Variants in CCDC144A observed in about 807,000 individuals in gnomAD.
CCDC144A encodes the protein coiled-coil domain containing 144A, also known as coiled-coil domain-containing protein 144A.
Under a neutral mutation model 143.8 loss-of-function variants are expected in CCDC144A, and 41 were observed. The observed-to-expected ratio is 0.29, with a 90% CI of 0.22 to 0.37. CCDC144A has a LOEUF of 0.37. CCDC144A is among the 10% of genes least tolerant of loss of function. The probability of loss-of-function intolerance (pLI) is 1.00; values close to 1 mark genes in which losing one functional copy is unlikely to be tolerated. For missense variants in CCDC144A, 637 were observed against 1,488.8 expected (o/e 0.43, Z 9.41); for synonymous variants, 242 against 517.9 (o/e 0.47, Z 7.23).
chr17:16,721,157 CTG>C (rs1913070334), intron 8 of CCDC144A, among the ~76,000 whole-genome samples: 2 of 152,074 alleles, frequency 1.3e-5, no homozygotes, highest in South Asian at 4.2e-4. Flanking sequence ...GTGTCCCACT[CTG>C]TGTCTTATAT....
chr17:16,705,670 C>A (rs1367077910), intron 3 of CCDC144A: 1 of 402,922 alleles, frequency 2.5e-6, no homozygotes, highest in East Asian at 5.4e-5. Context: ...TAGGGACTAA[C>A]ATAGGATTAT....
chr17:16,733,767 A>G (rs1913863606), intron 11 of CCDC144A, among the ~76,000 whole-genome samples: 1 of 152,028 alleles, frequency 6.6e-6, no homozygotes, highest in Non-Finnish European at 1.5e-5. Context: ...GACCTAGGGA[A>G]AATCCTGCAA....
intron 12 of CCDC144A, among the ~76,000 whole-genome samples, chr17:16,747,392 G>A (rs1257601849): frequency 2.0e-5 from 3 of 152,222 alleles, no homozygotes; most frequent in African/African-American, 7.2e-5. Flanking sequence ...GGCTCTGGGT[G>A]TTTGGGCTCT....
intron 5 of CCDC144A, among the ~76,000 whole-genome samples, chr17:16,709,870 G>C (rs1404936655): frequency 6.6e-6 from 1 of 152,198 alleles, no homozygotes; most frequent in African/African-American, 2.4e-5. Context: ...TATGGATTGT[G>C]AAACTCATTT....
chr17:16,722,051 T>C (rs1208445217), intron 8 of CCDC144A, among the ~76,000 whole-genome samples: 2 of 152,218 alleles, frequency 1.3e-5, no homozygotes, highest in Non-Finnish European at 2.9e-5. Flanking sequence ...TTTTTCATCA[T>C]GACACATGTT....
At chr17:16,677,358 C>T in the CCDC144A span, among the ~76,000 whole-genome samples, 3 of 152,134 alleles carry the variant, frequency 2.0e-5, no homozygotes, top group Admixed American at 1.3e-4. Context: ...TTTCCCTAAA[C>T]CCAGAGGGGA....
At chr17:16,757,066 T>G (rs1398512758) in intron 12 of CCDC144A, among the ~76,000 whole-genome samples, 1 of 152,278 alleles carries the variant, frequency 6.6e-6, no homozygotes, top group African/African-American at 2.4e-5. Context: ...TCCCAGTTTT[T>G]GGTGGCAGTG....
At chr17:16,769,802 G>A (rs141002306) in intron 15 of CCDC144A, among the ~76,000 whole-genome samples, 1 of 142,976 alleles carries the variant, frequency 7.0e-6, no homozygotes, top group South Asian at 2.6e-4. Context: ...CATCATGACA[G>A]TTTATAGATG....
chr17:16,690,513 TGGGCTACCCGGGGGACCAGTGGTCCTC>T lies in CCDC144A; in HGVS notation c.119_145del (p.Tyr40_Gly48del), dbSNP rs777460449. The stretch of plus-strand genomic sequence containing the variant: ...GGGAGCCAGGGGGACCAGTGGTACT[TGGGCTACCCGGGGGACCAGTGGTCCTC>T]GGGCTTCCCCTACAGCTGGTGGAAA... On this transcript the variant is annotated inframe_deletion, in exon 1 of 17. Coordinates refer to ENST00000399273, the MANE Select transcript of CCDC144A (RefSeq NM_001382000.1). The T allele has an allele frequency of 5.5e-5, 88 of 1,611,252 alleles. No individual in the cohort carries two copies. In the African/African-American group the frequency reaches 1.0e-3, roughly 19 times the overall value.
intron 12 of CCDC144A, among the ~76,000 whole-genome samples, chr17:16,751,810 TG>T (rs1914806592): frequency 6.6e-6 from 1 of 152,252 alleles, no homozygotes; most frequent in Non-Finnish European, 1.5e-5. Flanking sequence ...GCACCTGGTG[TG>T]GTGCCTGCAG....
Position 16,776,682 on chromosome 17 carries a change from T to C in CCDC144A, c.*3049T>C, listed in dbSNP as rs1364862863. 6 of 151,728 alleles carry C rather than the reference T, an allele frequency of 4.0e-5. No homozygotes were observed. The highest frequency in any genetic ancestry group is 3.9e-4 in the Admixed American group (6 of 15,228). 9.4% of individuals were successfully genotyped at this position (151,728 alleles called of 1,614,324 possible). Reference sequence around the variant, plus strand: ...TTGACTTCCTGTCTTCCTATTTGAATAGCTTTTCTTTCTTTCTCTTGCCTG... The same window carrying C: ...TTGACTTCCTGTCTTCCTATTTGAACAGCTTTTCTTTCTTTCTCTTGCCTG... On this transcript the variant is annotated 3_prime_UTR_variant, in exon 17 of 17. Transcript: ENST00000399273.
At chr17:16,701,040 T>A (rs1403181230) in intron 2 of CCDC144A, among the ~76,000 whole-genome samples, 1 of 152,224 alleles carries the variant, frequency 6.6e-6, no homozygotes, top group African/African-American at 2.4e-5. Context: ...AATTAATTGC[T>A]TTATGTGTTT....
At chr17:16,677,046 G>T in the CCDC144A span, among the ~76,000 whole-genome samples, 30 of 152,054 alleles carry the variant, frequency 2.0e-4, 1 homozygote, top group Admixed American at 2.0e-3. Context: ...AGGTGATTCT[G>T]ACGTCACATG....
At chr17:16,721,322 GTCTT>G (rs1597556637) in intron 8 of CCDC144A, among the ~76,000 whole-genome samples, 3 of 151,686 alleles carry the variant, frequency 2.0e-5, no homozygotes, top group East Asian at 3.9e-4. Flanking sequence ...TTGTCCCTTT[GTCTT>G]TCTTTATTAA....
intron 9 of CCDC144A, 113 bp downstream of exon 9, chr17:16,727,853 G>A: frequency 5.3e-6 from 5 of 939,474 alleles, no homozygotes; most frequent in Non-Finnish European, 7.5e-6. Context: ...TTTTGGTCTT[G>A]TGGAATATGA....
chr17:16,715,807 C>A (rs1912715801), intron 6 of CCDC144A, among the ~76,000 whole-genome samples: 1 of 152,192 alleles, frequency 6.6e-6, no homozygotes, highest in South Asian at 2.1e-4. Context: ...TTAACATCAT[C>A]TTGAGAAACA....
chr17:16,747,147 C>T, intron 12 of CCDC144A, among the ~76,000 whole-genome samples: 1 of 151,960 alleles, frequency 6.6e-6, no homozygotes, highest in East Asian at 1.9e-4. Context: ...ATCCCAGCAC[C>T]ATTTATTGAA....
chr17:16,672,298 G>A, the CCDC144A span, among the ~76,000 whole-genome samples: 10 of 151,780 alleles, frequency 6.6e-5, no homozygotes, highest in African/African-American at 2.2e-4. Context: ...GGGACATGTC[G>A]GCCGGGCACA....
chr17:16,683,169 A>C, the CCDC144A span, among the ~76,000 whole-genome samples: 1 of 151,910 alleles, frequency 6.6e-6, no homozygotes, highest in Non-Finnish European at 1.5e-5. Context: ...ACTGCAGTTA[A>C]TGTATTGTAT....
Sources: gnomAD v4.1 joint callset for allele counts (sites outside exome capture counted in the v4.1 genomes callset) on GRCh38, gnomAD v4.1.1 for gene constraint, MANE v1.5 for transcripts, NCBI Gene and HGNC (gene_info 2026-07-23, HGNC 2026-07-21) for gene names.